The following EMC4 variants were observed in gnomAD, a reference collection of about 807,000 sequenced individuals.
The protein encoded by EMC4 is ER membrane protein complex subunit 4.
EMC4 carries 9 observed loss-of-function variants against 24.2 expected under a neutral mutation model. The ratio of observed to expected loss-of-function variants is 0.37; its 90% CI spans 0.22 to 0.65. The LOEUF (loss-of-function observed/expected upper bound fraction) is 0.65, where lower values mean the gene tolerates loss of function less well. EMC4 is among the 30% of genes least tolerant of loss of function. The pLI, the probability that EMC4 is intolerant of heterozygous loss-of-function variation, is 0.59. For synonymous variants in EMC4, 86 were observed against 81.1 expected (o/e 1.06, Z -0.32); for missense variants, 169 against 234.6 (o/e 0.72, Z 1.83).
rs1890707077 is a variant in EMC4, at chr15:34,228,336, T to TA, written c.356-93_356-92insA. 3.0e-6 allele frequency: 4 copies of TA among 1,336,276 alleles called. No homozygotes were observed. In the Admixed American group the frequency reaches 8.2e-5, roughly 27 times the overall value. 82.8% of individuals were successfully genotyped at this position (1,336,276 alleles called of 1,614,324 possible). ...AATGGTCCTATTTGCTGTCTTACTA[T>TA]GGGTCTGTCTATATGAATTTAATAT... is the stretch of plus-strand genomic sequence containing the variant. On this transcript the variant is annotated intron_variant, in intron 3 of 4. Transcript: ENST00000267750.
Position 34,229,868 on chromosome 15 carries a change from A to C in EMC4, c.*80A>C. 1.6e-6 allele frequency: 2 copies of C among 1,274,488 alleles called. No homozygotes were observed. The highest frequency in any genetic ancestry group is 2.3e-6 in the Non-Finnish European group (2 of 871,552). The allele number at this position is 1,274,488 out of a possible 1,614,324, so 78.9% of individuals were successfully genotyped here. On this transcript the variant is annotated 3_prime_UTR_variant, in exon 5 of 5. Coordinates refer to ENST00000267750, the MANE Select transcript of EMC4 (RefSeq NM_016454.4). ...TTTAAGCCCAGTGGCTCCTCAGCAT[A>C]CTCTTAAACTAATCACTTATGTTAA...
intron 2 of EMC4, chr15:34,227,437 TCCAAAATCAG>T: frequency 2.9e-6 from 1 of 342,374 alleles, no homozygotes; most frequent in Non-Finnish European, 5.5e-6. Context: ...AGATCTTTTT[TCCAAAATCAG>T]GAGAAAAAAA....
intron 2 of EMC4, 185 bp downstream of exon 2, chr15:34,225,835 G>A (rs756590901): frequency 5.1e-5 from 34 of 662,434 alleles, no homozygotes; most frequent in South Asian, 5.1e-4. Flanking sequence ...TTGAAAAATA[G>A]AAGATGTTTG....
Position 34,225,108 on chromosome 15 carries a change from T to A in EMC4, c.-7T>A, listed in dbSNP as rs376859759. The A allele has an allele frequency of 1.6e-5, 25 of 1,551,414 alleles. No individual in the cohort carries two copies. The African/African-American group carries it at 3.3e-4, about 20-fold the overall frequency. On this transcript the variant is annotated 5_prime_UTR_variant, in exon 1 of 5. Transcript: ENST00000267750. ...AAGCATCGAGGCTATAGGACGCAGC[T>A]GTTGCCATGACGGCCCAGGGGGGCC...
At chr15:34,226,425 A>G (rs1389553910) in intron 2 of EMC4, 1 of 152,616 alleles carries the variant, frequency 6.6e-6, no homozygotes, top group Non-Finnish European at 1.5e-5. Context: ...ATTTTCATTT[A>G]TTTTTACAGG....
chr15:34,225,282 C>A, intron 1 of EMC4, 82 bp downstream of exon 1: 1 of 1,251,084 alleles, frequency 8.0e-7, no homozygotes, highest in Non-Finnish European at 1.1e-6. Flanking sequence ...TCAGGCATAA[C>A]TCTGAAAAAG....
chr15:34,229,616 A>T, intron 4 of EMC4, 137 bp from the exon 5 acceptor site: 1 of 640,320 alleles, frequency 1.6e-6, no homozygotes, highest in Non-Finnish European at 2.8e-6. Flanking sequence ...AAGATTAGCT[A>T]CTGCGCCTGG....
Position 34,225,585 on chromosome 15 carries a change from G to C in EMC4, c.136G>C (p.Gly46Arg), listed in dbSNP as rs770321490. Residue 46 changes from glycine (G) to arginine (R), a missense_variant, in exon 2 of 5, where the codon GGT becomes CGT. Coordinates refer to ENST00000267750, the MANE Select transcript of EMC4 (RefSeq NM_016454.4). ...CCAGGGAGACTCGCTCTACCCAGTC[G>C]GTTACTTGGACAAGCAAGTGCCTGA... ...SGQGDSLYPV[G>R]YLDKQVPDTS... is the part of the protein sequence containing the mutation. 6.2e-7 allele frequency: 1 copy of C among 1,614,146 alleles called. No individual in the cohort carries two copies. Among genetic ancestry groups the C allele is most frequent in the Non-Finnish European group, 8.5e-7 (1 of 1,180,022 alleles).
At chr15:34,228,678 TTGAG>T in intron 4 of EMC4, 89 bp downstream of exon 4, 1 of 1,014,930 alleles carries the variant, frequency 9.9e-7, no homozygotes, top group Non-Finnish European at 1.4e-6. Context: ...GAGTTGGTAT[TTGAG>T]TTTCTTTTTT....
chr15:34,227,962 C>A, intron 3 of EMC4, 116 bp downstream of exon 3: 2 of 1,083,776 alleles, frequency 1.8e-6, no homozygotes, highest in South Asian at 1.5e-5. Flanking sequence ...CTGGGTGGAT[C>A]ATCTGAGGGC....
Position 34,225,161 on chromosome 15 carries a change from A to G in EMC4, c.47A>G (p.Lys16Arg). The G allele has an allele frequency of 6.4e-7, 1 of 1,551,594 alleles. No individual in the cohort carries two copies. The highest frequency in any genetic ancestry group is 8.7e-7 in the Non-Finnish European group (1 of 1,146,942). The change falls in exon 1 of 5, where the codon AAG becomes AGG. Residue 16 changes from lysine (K) to arginine (R), a missense_variant. By Grantham distance (26) the Lys-to-Arg change is conservative. Coordinates refer to ENST00000267750, the MANE Select transcript of EMC4 (RefSeq NM_016454.4). ...GLVANRGRRF[K>R]WAIELSGPGG... ...GTGGCTAACCGAGGCCGGCGCTTCAAGTGGGCCATTGAGCTAAGCGGGCCT... is the reference window on the plus strand; with the variant it reads ...GTGGCTAACCGAGGCCGGCGCTTCAGGTGGGCCATTGAGCTAAGCGGGCCT...
intron 4 of EMC4, chr15:34,229,228 A>C (rs941779025): frequency 6.6e-6 from 1 of 152,048 alleles, no homozygotes; most frequent in Non-Finnish European, 1.5e-5. Flanking sequence ...TTGTATTTTT[A>C]GTAGAGACAG....
rs756590901 is a variant in EMC4, at chr15:34,225,835, G to T, written c.201+185G>T. The T allele has an allele frequency of 4.1e-5, 27 of 662,434 alleles. No individual in the cohort carries two copies. The Admixed American group carries it at 4.5e-4, about 11-fold the overall frequency. 41.0% of individuals were successfully genotyped at this position (662,434 alleles called of 1,614,324 possible). On this transcript the variant is annotated intron_variant, in intron 2 of 4. Transcript: ENST00000267750. ...AAAGTGCTTAATAATTTGAAAAATA[G>T]AAGATGTTTGGAACATAAGGTATAA...
chr15:34,225,574 T>C lies in EMC4; in HGVS notation c.125T>C (p.Leu42Pro). The C allele has an allele frequency of 6.2e-7, 1 of 1,614,170 alleles. No homozygotes were observed. Among genetic ancestry groups the C allele is most frequent in the East Asian group, 2.2e-5 (1 of 44,872 alleles). The change falls in exon 2 of 5, where the codon CTC (leucine) becomes CCC (proline). Residue 42 changes from leucine (L) to proline (P), a missense_variant. Leu to Pro is a moderately conservative substitution (Grantham distance 98). Coordinates refer to ENST00000267750, the MANE Select transcript of EMC4 (RefSeq NM_016454.4). ...CGGGGCAGTGGCCAGGGAGACTCGC[T>C]CTACCCAGTCGGTTACTTGGACAAG... is the stretch of plus-strand genomic sequence containing the variant. ...SDRGSGQGDS[L>P]YPVGYLDKQV... is the part of the protein sequence containing the mutation.
At chr15:34,228,124 A>C (rs1890696337) in intron 3 of EMC4, 2 of 452,342 alleles carry the variant, frequency 4.4e-6, no homozygotes, top group Admixed American at 7.0e-5. Flanking sequence ...CAGAGGTTGC[A>C]GTGAGCCGAG....
Position 34,225,098 on chromosome 15 carries a change from A to G in EMC4, c.-17A>G. ...TTGGACTGAGAAGCATCGAGGCTAT[A>G]GGACGCAGCTGTTGCCATGACGGCC... On this transcript the variant is annotated 5_prime_UTR_variant, in exon 1 of 5. It adds an upstream start codon to the 5' untranslated region. Coordinates refer to ENST00000267750, the MANE Select transcript of EMC4 (RefSeq NM_016454.4). The G allele has an allele frequency of 2.6e-6, 4 of 1,549,994 alleles. No homozygotes were observed. Among genetic ancestry groups the G allele is most frequent in the Non-Finnish European group, 3.5e-6 (4 of 1,145,448 alleles).
chr15:34,226,117 C>T (rs986913121), intron 2 of EMC4: 4 of 297,604 alleles, frequency 1.3e-5, no homozygotes, highest in Non-Finnish European at 2.7e-5. Flanking sequence ...GTCTTGAACT[C>T]CTGACCTCAG....
In EMC4 at chr15:34,229,856, G is replaced by C. The variant is rs1271917223; in HGVS notation, c.*68G>C. ...TTTACATCCTTCTTTAAGCCCAGTGGCTCCTCAGCATACTCTTAAACTAAT... is the reference window on the plus strand; with the variant it reads ...TTTACATCCTTCTTTAAGCCCAGTGCCTCCTCAGCATACTCTTAAACTAAT... On this transcript the variant is annotated 3_prime_UTR_variant, in exon 5 of 5. Transcript: ENST00000267750. The C allele has an allele frequency of 1.4e-6, 2 of 1,479,462 alleles. No individual in the cohort carries two copies. The highest frequency in any genetic ancestry group is 2.8e-5 in the African/African-American group (2 of 72,252). The allele number at this position is 1,479,462 out of a possible 1,614,324, so 91.6% of individuals were successfully genotyped here.
rs770142944 is a variant in EMC4, at chr15:34,229,743, C to CT, written c.517-8dup. 12 of 1,517,546 alleles carry CT rather than the reference C, an allele frequency of 7.9e-6. No homozygotes were observed. Among genetic ancestry groups the CT allele is most frequent in the African/African-American group, 1.4e-5 (1 of 71,894 alleles). The allele number at this position is 1,517,546 out of a possible 1,614,324, so 94.0% of individuals were successfully genotyped here. On this transcript the variant is annotated splice_polypyrimidine_tract_variant and intron_variant, in intron 4 of 4. Transcript: ENST00000267750. ...CCACTCACCTATTTATTCTTTCTTT[C>CT]TTCTTTCAGAGAATGGAGTTCAGTG...
Sources: gnomAD v4.1 joint callset for allele counts on GRCh38, gnomAD v4.1.1 for gene constraint, MANE v1.5 for transcripts, NCBI Gene and HGNC (gene_info 2026-07-23, HGNC 2026-07-21) for gene names.